Variants in RADIL observed in about 807,000 individuals in gnomAD.
RADIL encodes Rap associating with DIL domain.
RADIL carries 99 observed loss-of-function variants against 97.6 expected under a neutral mutation model. The ratio of observed to expected loss-of-function variants is 1.01; its 90% CI spans 0.86 to 1.20. The LOEUF (loss-of-function observed/expected upper bound fraction) is 1.20, where lower values mean the gene tolerates loss of function less well. Among genes scored for constraint, RADIL ranks in the 50% most tolerant of loss-of-function variants. The probability of loss-of-function intolerance (pLI) is 0.00; values close to 1 mark genes in which losing one functional copy is unlikely to be tolerated. For synonymous variants in RADIL, 803 were observed against 691.8 expected (o/e 1.16, Z -2.52); for missense variants, 1,765 against 1,498.9 (o/e 1.18, Z -2.93).
chr7:4,839,151 G>A (rs548768038), intron 2 of RADIL, among the ~76,000 whole-genome samples: 3 of 152,316 alleles, frequency 2.0e-5, no homozygotes, highest in East Asian at 3.9e-4. Flanking sequence ...ATGATATGAC[G>A]CGTTGGCTCA....
rs1783264704 is a variant in RADIL at position 4,835,296 on chromosome 7, G to A, written c.784-57C>T. 3 of 1,572,416 alleles carry A rather than the reference G, an allele frequency of 1.9e-6. No individual in the cohort carries two copies. Among genetic ancestry groups the A allele is most frequent in the Non-Finnish European group, 2.6e-6 (3 of 1,165,130 alleles). On this transcript the variant is annotated intron_variant, in intron 3 of 14. Coordinates refer to ENST00000399583, the MANE Select transcript of RADIL (RefSeq NM_018059.5). This position sits in a 1 kb window ranked among gnomAD's most constrained non-coding sequence, Gnocchi z 5.8. The stretch of plus-strand genomic sequence containing the variant: ...AACGCGAGCAGCACACGGGAAAAGC[G>A]TCCCGTGTCTAGTCACTGGTTGCTG...
intron 2 of RADIL, chr7:4,860,682 C>A: frequency 6.2e-7 from 1 of 1,614,166 alleles, no homozygotes; most frequent in East Asian, 2.2e-5. Flanking sequence ...GCCAGAAGTA[C>A]AATATAATGC....
chr7:4,830,409 G>A lies in RADIL; in HGVS notation c.1454+1732C>T, dbSNP rs1047973677. 5.3e-5 allele frequency among the ~76,000 whole-genome samples: 8 copies of A among 152,182 alleles called. 1 individual carries two copies. The South Asian group carries it at 1.0e-3, about 20-fold the overall frequency. On this transcript the variant is annotated intron_variant, in intron 5 of 14. Coordinates refer to ENST00000399583, the MANE Select transcript of RADIL (RefSeq NM_018059.5). Reference sequence around the variant, plus strand: ...ATGGTTTCCCAAGTGCCCCAGCAGCGTCTAGGGTAGAGATAGTGCTTTCTG... The same window carrying A: ...ATGGTTTCCCAAGTGCCCCAGCAGCATCTAGGGTAGAGATAGTGCTTTCTG...
chr7:4,815,184 C>T lies in RADIL; in HGVS notation c.2139+94G>A, dbSNP rs944068762. On this transcript the variant is annotated intron_variant, in intron 9 of 14. Coordinates refer to ENST00000399583, the MANE Select transcript of RADIL (RefSeq NM_018059.5). This position sits in a 1 kb window ranked among gnomAD's most constrained non-coding sequence, Gnocchi z 8.0. ...TTTGAGGTTTCCAGCCAAGAAGCCC[C>T]GTCCCGGCCCCCAGGCTTGGTTTGT... 23 of 1,393,536 alleles carry T rather than the reference C, an allele frequency of 1.7e-5. No individual in the cohort carries two copies. The highest frequency in any genetic ancestry group is 4.5e-5 in the South Asian group (3 of 67,368). The allele number at this position is 1,393,536 out of a possible 1,614,324, so 86.3% of individuals were successfully genotyped here. A position where few individuals can be genotyped will look rare whatever the true frequency, so the allele number is the denominator to read the frequency against.
At position 4,799,466 on chromosome 7, in the gene RADIL, C is replaced by T. The variant is rs370526851; in HGVS notation, c.3140G>A (p.Arg1047His). The change falls in exon 15 of 15, where the codon CGT (arginine) becomes CAT (histidine). Residue 1047 changes from arginine to histidine, a missense_variant. Physicochemically the swap from Arg to His is conservative, Grantham distance 29. Coordinates refer to ENST00000399583, the MANE Select transcript of RADIL (RefSeq NM_018059.5). ...GAACCGCATCTTCTTCCCGCCATGA[C>T]GGATCAGGTCCACAGCTCTGAAATC... ...LGYLRAVDLI[R>H]HGGKKMRFLV... The T allele has an allele frequency of 1.2e-5, 20 of 1,613,960 alleles. No individual in the cohort carries two copies. Among genetic ancestry groups the T allele is most frequent in the East Asian group, 2.2e-5 (1 of 44,876 alleles).
At position 4,837,221 on chromosome 7, in the gene RADIL, C is replaced by T. The variant is rs1453704643; in HGVS notation, c.536-616G>A. Reference sequence around the variant, plus strand: ...GCAGCAGCCCAGGGTCACACCGCGGCCTGCCCGACCAGCCAGCACCACGGC... The same window carrying T: ...GCAGCAGCCCAGGGTCACACCGCGGTCTGCCCGACCAGCCAGCACCACGGC... On this transcript the variant is annotated intron_variant, in intron 2 of 14. Coordinates refer to ENST00000399583, the MANE Select transcript of RADIL (RefSeq NM_018059.5). The surrounding 1 kb of genome is among the most constrained non-coding windows in gnomAD (Gnocchi z 5.6). 6.6e-6 allele frequency among the ~76,000 whole-genome samples: 1 copy of T among 152,208 alleles called. No individual in the cohort carries two copies. Among genetic ancestry groups the T allele is most frequent in the Non-Finnish European group, 1.5e-5 (1 of 68,032 alleles).
rs536348538 is a variant in RADIL, at chr7:4,807,799, C to T, written c.2140-2083G>A. On this transcript the variant is annotated intron_variant, in intron 9 of 14. Transcript: ENST00000399583. Reference sequence around the variant, plus strand: ...TCCCCTTCCTCCTCCGTCTCCTCTCCCTCCCTCTCTCCTCCTTCCTACCCC... The same window carrying T: ...TCCCCTTCCTCCTCCGTCTCCTCTCTCTCCCTCTCTCCTCCTTCCTACCCC... 1.2e-3 allele frequency among the ~76,000 whole-genome samples: 91 copies of T among 77,664 alleles called. 2 individuals carry two copies. The highest frequency in any genetic ancestry group is 6.3e-3 in the South Asian group (9 of 1,438). The allele number at this position is 77,664 out of a possible 152,430, so 51.0% of individuals were successfully genotyped here.
Position 4,880,039 on chromosome 7 carries a change from G to A in RADIL, c.-64-1836C>T, listed in dbSNP as rs1207334887. On this transcript the variant is annotated intron_variant, in intron 1 of 14. Transcript: ENST00000399583. This position sits in a 1 kb window ranked among gnomAD's most constrained non-coding sequence, Gnocchi z 4.5. ...CGCGGACGTCTGCCCTGCGGGGTGG[G>A]TGGCTGGCCCTTCTCCTGTTCCTAT... Among the ~76,000 whole-genome samples the A allele has an allele frequency of 2.0e-5, 3 of 152,188 alleles. No individual in the cohort carries two copies.
intron 2 of RADIL, chr7:4,865,299 A>G (rs1407973488): frequency 8.6e-6 from 4 of 467,594 alleles, no homozygotes; most frequent in African/African-American, 4.0e-5. Context: ...ACAACAGACC[A>G]TATATACAAT....
chr7:4,838,240 C>G (rs866524027), intron 2 of RADIL, among the ~76,000 whole-genome samples: 4 of 152,202 alleles, frequency 2.6e-5, no homozygotes, highest in African/African-American at 7.2e-5. Context: ...CTCCCACAAG[C>G]GTTACCAGCC....
chr7:4,872,247 T>C lies in RADIL; in HGVS notation c.535+5358A>G, dbSNP rs1422994335. Among the ~76,000 whole-genome samples, 1 of 152,154 alleles carries C rather than the reference T, an allele frequency of 6.6e-6. No individual in the cohort carries two copies. Among genetic ancestry groups the C allele is most frequent in the Non-Finnish European group, 1.5e-5 (1 of 68,032 alleles). On this transcript the variant is annotated intron_variant, in intron 2 of 14. Transcript: ENST00000399583. The surrounding 1 kb of genome is among the most constrained non-coding windows in gnomAD (Gnocchi z 5.8). ...GAACATCTGGCCATGTCTGCAGACA[T>C]CTTTGGTTGTTACAACTTGGGGGTG...
intron 5 of RADIL, among the ~76,000 whole-genome samples, chr7:4,831,780 C>T (rs887944645): frequency 1.3e-5 from 2 of 151,812 alleles, no homozygotes; most frequent in African/African-American, 4.8e-5. Flanking sequence ...CCCAGCTACT[C>T]GGGAAGCTGA....
intron 13 of RADIL, 73 bp from the exon 14 acceptor site, chr7:4,799,842 T>C: frequency 7.0e-7 from 1 of 1,435,192 alleles, no homozygotes; most frequent in African/African-American, 1.4e-5. Context: ...CTGCAGCCCC[T>C]CCCTTGGCAC....
At position 4,872,116 on chromosome 7, in the gene RADIL, C is replaced by A. The variant is rs924229949; in HGVS notation, c.535+5489G>T. Among the ~76,000 whole-genome samples, 1 of 152,052 alleles carries A rather than the reference C, an allele frequency of 6.6e-6. No individual in the cohort carries two copies. Among genetic ancestry groups the A allele is most frequent in the African/African-American group, 2.4e-5 (1 of 41,400 alleles). On this transcript the variant is annotated intron_variant, in intron 2 of 14. Transcript: ENST00000399583. The surrounding 1 kb of genome is among the most constrained non-coding windows in gnomAD (Gnocchi z 5.8). ...GTGGATCAGGCCTGAGGGCCTGGGGCAGGTACTCAGCCATATGGTCCCAGT... is the reference window on the plus strand; with the variant it reads ...GTGGATCAGGCCTGAGGGCCTGGGGAAGGTACTCAGCCATATGGTCCCAGT...
At chr7:4,811,899 G>A (rs1351203343) in intron 9 of RADIL, among the ~76,000 whole-genome samples, 1 of 151,892 alleles carries the variant, frequency 6.6e-6, no homozygotes, top group Admixed American at 6.6e-5. Context: ...TTTGAGACAA[G>A]GTCTCATTTC....
rs1303743571 is a variant in RADIL, at chr7:4,815,508, ATGGGCCTGTCCCCAGAGCC to A, written c.1967-77_1967-59del. On this transcript the variant is annotated intron_variant, in intron 8 of 14. Coordinates refer to ENST00000399583, the MANE Select transcript of RADIL (RefSeq NM_018059.5). The surrounding 1 kb of genome is among the most constrained non-coding windows in gnomAD (Gnocchi z 8.0). ...GCTGCCCTCCTGGGGGGACACAGAC[ATGGGCCTGTCCCCAGAGCC>A]TGCCCTTCCCGGCTCTGGGCCACTG... 1 of 1,432,394 alleles carries A rather than the reference ATGGGCCTGTCCCCAGAGCC, an allele frequency of 7.0e-7. No homozygotes were observed. Among genetic ancestry groups the A allele is most frequent in the African/African-American group, 1.4e-5 (1 of 69,758 alleles). 88.7% of individuals were successfully genotyped at this position (1,432,394 alleles called of 1,614,324 possible).
At chr7:4,806,516 C>T (rs1386699300) in intron 9 of RADIL, among the ~76,000 whole-genome samples, 1 of 152,202 alleles carries the variant, frequency 6.6e-6, no homozygotes, top group Non-Finnish European at 1.5e-5. Context: ...AGACAAAAAG[C>T]CTACACCGTA....
intron 2 of RADIL, among the ~76,000 whole-genome samples, chr7:4,863,886 G>T (rs747758738): frequency 1.8e-4 from 28 of 152,184 alleles, no homozygotes; most frequent in Non-Finnish European, 3.7e-4. Context: ...ACTGGCCAAT[G>T]CCTCTAGGGC....
Position 4,804,005 on chromosome 7 carries a change from C to T in RADIL, c.2291-251G>A, listed in dbSNP as rs915406991. 23 of 566,910 alleles carry T rather than the reference C, an allele frequency of 4.1e-5. No homozygotes were observed. In the Middle Eastern group the frequency reaches 1.1e-3, roughly 26 times the overall value. The allele number at this position is 566,910 out of a possible 1,614,324, so 35.1% of individuals were successfully genotyped here. On this transcript the variant is annotated intron_variant, in intron 10 of 14. Transcript: ENST00000399583. Reference sequence around the variant, plus strand: ...AGGACTGAGAACAAGGCCTTGTAGCCAGGAACCCTCCAGCCCCACTGAGCC... The same window carrying T: ...AGGACTGAGAACAAGGCCTTGTAGCTAGGAACCCTCCAGCCCCACTGAGCC...
Sources: gnomAD v4.1 joint callset for allele counts (sites outside exome capture counted in the v4.1 genomes callset) on GRCh38, gnomAD v4.1.1 for gene constraint, Gnocchi (gnomAD v3.1) non-coding constraint, MANE v1.5 for transcripts, NCBI Gene and HGNC (gene_info 2026-07-23, HGNC 2026-07-21) for gene names.